MAP2K5: variants seen among roughly 807,000 people sequenced by gnomAD.
MAP2K5 encodes dual specificity mitogen-activated protein kinase kinase 5.
A neutral mutation model predicts 83.1 loss-of-function variants in MAP2K5; 49 were observed. The ratio of observed to expected loss-of-function variants is 0.59; its 90% CI spans 0.47 to 0.75. The LOEUF (loss-of-function observed/expected upper bound fraction) is 0.75, where lower values mean the gene tolerates loss of function less well. MAP2K5 is among the 30% of genes least tolerant of loss of function. MAP2K5 has a pLI of 0.00. For synonymous variants in MAP2K5, 202 were observed against 191.8 expected, an observed-to-expected ratio of 1.05 and a Z score of -0.44; for missense variants, 457 against 557.5, an observed-to-expected ratio of 0.82 and a Z score of 1.82.
In MAP2K5 at chr15:67,747,119, AG is replaced by A. The variant is rs1224510431; in HGVS notation, c.1075-1110del. On this transcript the variant is annotated intron_variant, in intron 17 of 21. Transcript: ENST00000178640. The surrounding 1 kb of genome is among the most constrained non-coding windows in gnomAD (Gnocchi z 4.1). ...CACCACACCCTGGCGCTGAGGCCTC[AG>A]GCCCGGACACTGTCCTCTGATAGGC... Among the ~76,000 whole-genome samples, 4 of 152,236 alleles carry A rather than the reference AG, an allele frequency of 2.6e-5. No homozygotes were observed. The highest frequency in any genetic ancestry group is 5.9e-5 in the Non-Finnish European group (4 of 68,038).
intron 13 of MAP2K5, among the ~76,000 whole-genome samples, chr15:67,666,223 T>A (rs1596753573): frequency 2.0e-5 from 3 of 152,190 alleles, no homozygotes; most frequent in Admixed American, 2.0e-4. Flanking sequence ...TCTCTAGCTA[T>A]AACTTTGTGC....
At chr15:67,709,504 T>G (rs1395477231) in intron 16 of MAP2K5, among the ~76,000 whole-genome samples, 1 of 150,270 alleles carries the variant, frequency 6.7e-6, no homozygotes, top group African/African-American at 2.4e-5. Context: ...ACTACAGGGC[T>G]AAACTTTAAA....
intron 6 of MAP2K5, among the ~76,000 whole-genome samples, chr15:67,590,299 A>C (rs189549495): frequency 7.6e-4 from 115 of 152,300 alleles, no homozygotes; most frequent in Non-Finnish European, 1.3e-3. Flanking sequence ...AGATTCTCTC[A>C]AATGTAACCT....
In MAP2K5 at chr15:67,690,270, T is replaced by C. The variant is rs1220834088; in HGVS notation, c.848-2209T>C. Among the ~76,000 whole-genome samples, 3 of 152,204 alleles carry C rather than the reference T, an allele frequency of 2.0e-5. No homozygotes were observed. Among genetic ancestry groups the C allele is most frequent in the Non-Finnish European group, 4.4e-5 (3 of 68,034 alleles). On this transcript the variant is annotated intron_variant, in intron 13 of 21. Coordinates refer to ENST00000178640, the MANE Select transcript of MAP2K5 (RefSeq NM_145160.3). The surrounding 1 kb of genome is among the most constrained non-coding windows in gnomAD (Gnocchi z 4.3). Reference sequence around the variant, plus strand: ...CATTTGTTTCAGTTCAGCAAACATTTAAGTGTCTACTGTGGCTATGATGTG... The same window carrying C: ...CATTTGTTTCAGTTCAGCAAACATTCAAGTGTCTACTGTGGCTATGATGTG...
At chr15:67,660,041 C>T (rs1279068659) in intron 12 of MAP2K5, among the ~76,000 whole-genome samples, 4 of 152,086 alleles carry the variant, frequency 2.6e-5, no homozygotes, top group Non-Finnish European at 4.4e-5. Context: ...AAAGTAAGAG[C>T]TACTCTGAAG....
intron 7 of MAP2K5, among the ~76,000 whole-genome samples, chr15:67,594,434 T>A (rs1335033334): frequency 6.6e-6 from 1 of 152,242 alleles, no homozygotes; most frequent in Non-Finnish European, 1.5e-5. Context: ...CTGGAAAATA[T>A]ATTTCAAAAT....
intron 21 of MAP2K5, among the ~76,000 whole-genome samples, chr15:67,797,943 A>G (rs1325882479): frequency 1.3e-5 from 2 of 152,184 alleles, no homozygotes; most frequent in African/African-American, 4.8e-5. Flanking sequence ...TCAGCCTCCC[A>G]AAGTGCTGGG....
At position 67,778,672 on chromosome 15, in the gene MAP2K5, G is replaced by T. The variant is rs1433680815; in HGVS notation, c.1242+5920G>T. Among the ~76,000 whole-genome samples, 1 of 152,222 alleles carries T rather than the reference G, an allele frequency of 6.6e-6. No homozygotes were observed. Among genetic ancestry groups the T allele is most frequent in the Non-Finnish European group, 1.5e-5 (1 of 68,040 alleles). ...GCAGGGTGATCCTTTGCGGTTAGCA[G>T]AAGGGTAGGGGGATTTCTTACCTGT... On this transcript the variant is annotated intron_variant, in intron 21 of 21. Transcript: ENST00000178640. This position sits in a 1 kb window ranked among gnomAD's most constrained non-coding sequence, Gnocchi z 5.0.
intron 13 of MAP2K5, among the ~76,000 whole-genome samples, chr15:67,671,888 C>T (rs1270327707): frequency 1.4e-5 from 2 of 147,472 alleles, no homozygotes; most frequent in African/African-American, 2.5e-5. Context: ...GTTCAGTTCC[C>T]ACCTATGAGT....
chr15:67,549,224 T>TA, intron 1 of MAP2K5: 1 of 1,521,428 alleles, frequency 6.6e-7, no homozygotes, highest in Non-Finnish European at 8.8e-7. Context: ...GTTCTATGCT[T>TA]ATTCAATTAA....
intron 4 of MAP2K5, among the ~76,000 whole-genome samples, chr15:67,581,517 C>T (rs1380867108): frequency 6.6e-6 from 1 of 152,112 alleles, no homozygotes; most frequent in Non-Finnish European, 1.5e-5. Context: ...AAGTCTTTCA[C>T]CCGTTATACA....
At chr15:67,641,494 G>C (rs1823473821) in intron 9 of MAP2K5, 2 of 1,000,438 alleles carry the variant, frequency 2.0e-6, no homozygotes, top group South Asian at 9.4e-5. Flanking sequence ...ATGACAGCTT[G>C]TGATGAATTG....
chr15:67,567,162 T>A (rs1183477554), intron 3 of MAP2K5, among the ~76,000 whole-genome samples: 4 of 152,238 alleles, frequency 2.6e-5, no homozygotes, highest in Non-Finnish European at 5.9e-5. Context: ...TTTAATGTAT[T>A]GAAAGAATTC....
intron 3 of MAP2K5, among the ~76,000 whole-genome samples, chr15:67,569,346 G>A (rs566170091): frequency 7.0e-4 from 107 of 152,320 alleles, no homozygotes; most frequent in African/African-American, 2.5e-3. Context: ...TGATTACACA[G>A]TATATTCTTC....
intron 21 of MAP2K5, among the ~76,000 whole-genome samples, chr15:67,804,818 A>G (rs930402542): frequency 1.3e-5 from 2 of 152,184 alleles, no homozygotes; most frequent in Non-Finnish European, 2.9e-5. Context: ...GGAAGTGTGC[A>G]CGCTTGGACT....
chr15:67,595,519 T>C (rs1197370299), intron 7 of MAP2K5, among the ~76,000 whole-genome samples: 2 of 152,226 alleles, frequency 1.3e-5, no homozygotes, highest in African/African-American at 2.4e-5. Flanking sequence ...TAATGATTTA[T>C]AAGCGATAGG....
In MAP2K5 at chr15:67,552,327, T is replaced by G. The variant is rs2084527128; in HGVS notation, c.184+2245T>G. ...CTCCTTGCAGGTTCCACGGGTTTCA[T>G]GGACAGTCTGATAGTTAACATTCGG... On this transcript the variant is annotated intron_variant, in intron 2 of 21. Transcript: ENST00000178640. This position sits in a 1 kb window ranked among gnomAD's most constrained non-coding sequence, Gnocchi z 4.2. 6.6e-6 allele frequency among the ~76,000 whole-genome samples: 1 copy of G among 152,230 alleles called. No homozygotes were observed. The highest frequency in any genetic ancestry group is 1.5e-5 in the Non-Finnish European group (1 of 68,044).
chr15:67,769,671 C>G lies in MAP2K5; in HGVS notation c.1196+8C>G, dbSNP rs369047415. 2 of 1,613,252 alleles carry G rather than the reference C, an allele frequency of 1.2e-6. No individual in the cohort carries two copies. The highest frequency in any genetic ancestry group is 3.3e-5 in the Admixed American group (2 of 59,964). ...ACATTTCATCACTCAGTGGTGAGCC[C>G]GTTTACAAACATGCCATGCCCTCAA... On this transcript the variant is annotated splice_region_variant and intron_variant, in intron 20 of 21. Coordinates refer to ENST00000178640, the MANE Select transcript of MAP2K5 (RefSeq NM_145160.3). This position sits in a 1 kb window ranked among gnomAD's most constrained non-coding sequence, Gnocchi z 5.2.
intron 11 of MAP2K5, among the ~76,000 whole-genome samples, chr15:67,646,996 T>A (rs187451084): frequency 3.3e-5 from 5 of 152,328 alleles, no homozygotes; most frequent in Non-Finnish European, 7.4e-5. Context: ...TTTTGGTAGT[T>A]CTTTCTTGAC....
Sources: allele counts gnomAD v4.1 joint callset (sites outside exome capture counted in the v4.1 genomes callset), GRCh38; gene constraint gnomAD v4.1.1; non-coding constraint Gnocchi (gnomAD v3.1); transcripts MANE v1.5; gene names NCBI Gene and HGNC (gene_info 2026-07-23, HGNC 2026-07-21).